Variants in MNAT1 observed in about 807,000 individuals in gnomAD.
The protein encoded by MNAT1 is MNAT1 component of CDK activating kinase.
In MNAT1, 43 loss-of-function variants were observed where a neutral mutation model predicts 42.0. That is an observed-to-expected ratio of 1.02 (90% CI 0.80 to 1.32). The LOEUF is 1.32. MNAT1 is among the 40% of genes most tolerant of loss of function. The probability of loss-of-function intolerance (pLI) is 0.00; values close to 1 mark genes in which losing one functional copy is unlikely to be tolerated. For synonymous variants in MNAT1, 118 were observed against 120.0 expected (o/e 0.98, Z 0.11); for missense variants, 306 against 350.4 (o/e 0.87, Z 1.01).
chr14:60,920,897 G>C (rs992949211), intron 7 of MNAT1, among the ~76,000 whole-genome samples: 1 of 152,152 alleles, frequency 6.6e-6, no homozygotes, highest in Non-Finnish European at 1.5e-5. Flanking sequence ...GACATGTATA[G>C]CTTGGTGACT....
rs369096544 is a variant in MNAT1 at position 60,808,731 on chromosome 14, G to A, written c.420+303G>A. ...TAATCTTCTGGTAAGTGAGCATTTG[G>A]ACAGTGGTCACAAAACACTGGAGGC... On this transcript the variant is annotated intron_variant, in intron 4 of 7. Coordinates refer to ENST00000261245, the MANE Select transcript of MNAT1 (RefSeq NM_002431.4). The A allele has an allele frequency of 1.1e-4, 19 of 165,402 alleles. No individual in the cohort carries two copies. The Middle Eastern group carries it at 8.0e-3, about 70-fold the overall frequency. 10.2% of individuals were successfully genotyped at this position (165,402 alleles called of 1,614,324 possible). A position where few individuals can be genotyped will look rare whatever the true frequency, so the allele number is the denominator to read the frequency against.
intron 6 of MNAT1, among the ~76,000 whole-genome samples, chr14:60,856,974 C>CG (rs2033975771): frequency 3.9e-5 from 6 of 152,224 alleles, no homozygotes; most frequent in Admixed American, 3.9e-4. Flanking sequence ...CCACTGTGCC[C>CG]GGCCTCATTT....
chr14:60,953,673 T>C (rs969293303), intron 7 of MNAT1, among the ~76,000 whole-genome samples: 1 of 152,208 alleles, frequency 6.6e-6, no homozygotes, highest in Non-Finnish European at 1.5e-5. Context: ...ATATGGTAGT[T>C]CTGTTTTTAA....
chr14:60,738,416 C>T (rs952788432), intron 1 of MNAT1, among the ~76,000 whole-genome samples: 3 of 151,362 alleles, frequency 2.0e-5, no homozygotes, highest in Non-Finnish European at 4.4e-5. Context: ...CCACCATGCC[C>T]GGCTAATTTT....
At chr14:60,907,760 C>A (rs1442448326) in intron 7 of MNAT1, among the ~76,000 whole-genome samples, 3 of 80,676 alleles carry the variant, frequency 3.7e-5, no homozygotes, top group African/African-American at 9.5e-5. Context: ...CCAGCCTGGA[C>A]AACAAGAGCG....
chr14:60,778,476 G>T (rs1037534622), intron 1 of MNAT1, among the ~76,000 whole-genome samples: 1 of 152,218 alleles, frequency 6.6e-6, no homozygotes, highest in Non-Finnish European at 1.5e-5. Flanking sequence ...GGAAGGGACA[G>T]CATTTCTTCT....
At chr14:60,941,824 G>C (rs1296258555) in intron 7 of MNAT1, among the ~76,000 whole-genome samples, 1 of 151,168 alleles carries the variant, frequency 6.6e-6, no homozygotes, top group Non-Finnish European at 1.5e-5. Flanking sequence ...CTAACATGGT[G>C]AAACCCCGTC....
intron 7 of MNAT1, among the ~76,000 whole-genome samples, chr14:60,939,927 G>A (rs1024741442): frequency 1.3e-5 from 2 of 152,140 alleles, no homozygotes; most frequent in Non-Finnish European, 2.9e-5. Flanking sequence ...TGTATTGGGT[G>A]CATATATATT....
rs2032794160 is a variant in MNAT1, at chr14:60,818,800, A to G, written c.640A>G (p.Lys214Glu). The part of the protein sequence containing the change: ...RSTQLEMQLE[K>E]PKPVKPVTFS... ...TACCCAATTAGAAATGCAACTTGAG[A>G]AACCCAAACCTGTAAAACCAGTGAC... The change falls in exon 6 of 8, where the codon AAA becomes GAA. Residue 214 changes from lysine (K) to glutamate (E), a missense_variant. Physicochemically the swap from Lys to Glu is moderately conservative, Grantham distance 56 (BLOSUM62 1). Around this residue, in one of 3 missense-constraint regions of MNAT1, gnomAD observed 116 missense variants for 139.6 expected, o/e 0.83. Transcript: ENST00000261245. The G allele has an allele frequency of 6.2e-7, 1 of 1,613,010 alleles. No homozygotes were observed. Among genetic ancestry groups the G allele is most frequent in the African/African-American group, 1.3e-5 (1 of 75,032 alleles).
intron 4 of MNAT1, among the ~76,000 whole-genome samples, chr14:60,810,605 T>C (rs1344204806): frequency 6.6e-6 from 1 of 152,190 alleles, no homozygotes; most frequent in Admixed American, 6.5e-5. Context: ...ACCCAATGAT[T>C]ATTTGAGTGT....
At chr14:60,877,221 C>T (rs1275453719) in intron 6 of MNAT1, among the ~76,000 whole-genome samples, 2 of 151,910 alleles carry the variant, frequency 1.3e-5, no homozygotes, top group African/African-American at 4.8e-5. Context: ...TTTCATATAC[C>T]TATTGGCAAT....
intron 7 of MNAT1, among the ~76,000 whole-genome samples, chr14:60,952,060 A>G (rs1428217100): frequency 6.6e-6 from 1 of 152,178 alleles, no homozygotes; most frequent in Non-Finnish European, 1.5e-5. Context: ...TTTCATAGAC[A>G]GAAGAGTATT....
At chr14:60,891,162 T>G (rs1218246931) in intron 7 of MNAT1, among the ~76,000 whole-genome samples, 1 of 152,178 alleles carries the variant, frequency 6.6e-6, no homozygotes, top group East Asian at 1.9e-4. Context: ...GTAATTTAAG[T>G]CTTCTCTCCT....
In MNAT1 at chr14:60,841,131, CTCTT is replaced by C. The variant is rs1207907560; in HGVS notation, c.687+22288_687+22291del. Among the ~76,000 whole-genome samples the C allele has an allele frequency of 9.9e-4, 150 of 152,060 alleles. 2 individuals are homozygous for C. The highest frequency in any genetic ancestry group is 1.7e-3 in the Non-Finnish European group (113 of 67,964). The stretch of plus-strand genomic sequence containing the variant: ...GTTTTCTTACTGATTCTCTCTCTCT[CTCTT>C]TCTCTCTCTCCCTCTCTCCCTTTCC... On this transcript the variant is annotated intron_variant, in intron 6 of 7. Coordinates refer to ENST00000261245, the MANE Select transcript of MNAT1 (RefSeq NM_002431.4).
intron 1 of MNAT1, among the ~76,000 whole-genome samples, chr14:60,776,226 G>A (rs1298422940): frequency 1.3e-5 from 2 of 152,180 alleles, no homozygotes; most frequent in African/African-American, 2.4e-5. Flanking sequence ...TAGTGTCAGT[G>A]GATGGGAGCT....
chr14:60,890,702 A>G lies in MNAT1; in HGVS notation c.809+10867A>G, dbSNP rs142444548. ...TGGAGTCCAATGTTTGAGGACAGAA[A>G]GCATCCAGCATGGGAGAAAGATGAA... On this transcript the variant is annotated intron_variant, in intron 7 of 7. Transcript: ENST00000261245. Among the ~76,000 whole-genome samples, 208 of 152,348 alleles carry G rather than the reference A, an allele frequency of 1.4e-3. 1 individual carries two copies. The highest frequency in any genetic ancestry group is 4.9e-3 in the African/African-American group (202 of 41,598).
chr14:60,835,311 G>A (rs1374112603), intron 6 of MNAT1, among the ~76,000 whole-genome samples: 1 of 152,016 alleles, frequency 6.6e-6, no homozygotes, highest in African/African-American at 2.4e-5. Context: ...TGGTTATTTT[G>A]CCCGTTAGTT....
intron 7 of MNAT1, among the ~76,000 whole-genome samples, chr14:60,965,363 A>G (rs2036662652): frequency 6.6e-6 from 1 of 152,234 alleles, no homozygotes; most frequent in Non-Finnish European, 1.5e-5. Flanking sequence ...ACTGTTTATA[A>G]CATTTTACCT....
chr14:60,846,108 T>G (rs1594798099), intron 6 of MNAT1, among the ~76,000 whole-genome samples: 2 of 151,958 alleles, frequency 1.3e-5, no homozygotes, highest in Admixed American at 6.6e-5. Context: ...TTCCTTCCTC[T>G]CTTTTCCCTC....
Sources: gnomAD v4.1 joint callset for allele counts (sites outside exome capture counted in the v4.1 genomes callset) on GRCh38, gnomAD v4.1.1 for gene constraint, gnomAD v4.1.1 regional missense constraint, MANE v1.5 for transcripts, NCBI Gene and HGNC (gene_info 2026-07-23, HGNC 2026-07-21) for gene names.